The following SYNJ2 variants were observed in gnomAD, a reference collection of about 807,000 sequenced individuals.
SYNJ2 encodes synaptojanin 2.
SYNJ2 carries 116 observed loss-of-function variants against 141.3 expected under a neutral mutation model. The ratio of observed to expected loss-of-function variants is 0.82; its 90% confidence interval spans 0.71 to 0.96. The LOEUF is 0.96. SYNJ2 is among the 40% of genes least tolerant of loss of function. The probability of loss-of-function intolerance (pLI) is 0.00; values close to 1 mark genes in which losing one functional copy is unlikely to be tolerated. For synonymous variants in SYNJ2, 745 were observed against 777.7 expected (o/e 0.96, Z 0.70); for missense variants, 1,873 against 1,934.8 (o/e 0.97, Z 0.60).
intron 3 of SYNJ2, among the ~76,000 whole-genome samples, chr6:158,032,589 C>A (rs1052627444): frequency 6.6e-6 from 1 of 152,146 alleles, no homozygotes; most frequent in Non-Finnish European, 1.5e-5. Context: ...AAAGGCTCGG[C>A]GTGAAGAGCG....
At position 158,083,475 on chromosome 6, in the gene SYNJ2, T is replaced by C. The variant is rs1161381020; in HGVS notation, c.2912T>C (p.Leu971Pro). 1.2e-6 allele frequency: 2 copies of C among 1,614,190 alleles called. No homozygotes were observed. The highest frequency in any genetic ancestry group is 3.3e-5 in the Admixed American group (2 of 60,028). The change falls in exon 21 of 27, where the codon CTG becomes CCG. Residue 971 changes from leucine to proline, a missense_variant. Leu to Pro is a moderately conservative substitution (Grantham distance 98). Transcript: ENST00000355585. The part of the protein sequence containing the change: ...VKIRPKTKDW[L>P]KGLREEIIRK... ...ATTAGACCGAAGACCAAGGACTGGC[T>C]GAAAGGTTTGCGAGAGGAGATCATT...
chr6:158,078,067 T>C, intron 17 of SYNJ2, 97 bp from the exon 18 acceptor site: 1 of 782,180 alleles, frequency 1.3e-6, no homozygotes, highest in Non-Finnish European at 2.2e-6. Context: ...GTGGGGTGGT[T>C]CGTGGCGCAG....
At chr6:158,068,223 A>G (rs188259528) in intron 12 of SYNJ2, among the ~76,000 whole-genome samples, 26 of 151,376 alleles carry the variant, frequency 1.7e-4, no homozygotes, top group African/African-American at 5.8e-4. Context: ...AAGGAAGTGG[A>G]CAGCCTGCCT....
At chr6:158,017,427 T>TTTTG in intron 2 of SYNJ2, 137 bp downstream of exon 2, 1 of 1,054,316 alleles carries the variant, frequency 9.5e-7, no homozygotes, top group Non-Finnish European at 1.3e-6. Context: ...TTTTTTTTTT[T>TTTTG]CTCCGAGATA....
At chr6:158,049,097 C>G (rs879754194) in intron 5 of SYNJ2, among the ~76,000 whole-genome samples, 1 of 152,122 alleles carries the variant, frequency 6.6e-6, no homozygotes, top group Non-Finnish European at 1.5e-5. Context: ...GATCGAGACT[C>G]TGCTGTGACT....
At chr6:157,984,646 C>T (rs1777132051) in intron 1 of SYNJ2, among the ~76,000 whole-genome samples, 1 of 152,178 alleles carries the variant, frequency 6.6e-6, no homozygotes, top group African/African-American at 2.4e-5. Flanking sequence ...TTAGGTGATC[C>T]ACCTGCTTTG....
At position 158,074,656 on chromosome 6, in the gene SYNJ2, A is replaced by T. The variant is rs1466369888; in HGVS notation, c.2210A>T (p.Glu737Val). ...FNYRIDLTYE[E>V]VFYFVKRQDW... Reference sequence around the variant, plus strand: ...TACCGCATTGATCTTACTTATGAAGAAGTCTTCTATTTTGTTAAACGCCAA... The same window carrying T: ...TACCGCATTGATCTTACTTATGAAGTAGTCTTCTATTTTGTTAAACGCCAA... The change falls in exon 16 of 27, where the codon GAA becomes GTA. Residue 737 changes from glutamate to valine, a missense_variant. Physicochemically the swap from Glu to Val is moderately radical, Grantham distance 121. Transcript: ENST00000355585. 1 of 1,614,110 alleles carries T rather than the reference A, an allele frequency of 6.2e-7. No individual in the cohort carries two copies. The highest frequency in any genetic ancestry group is 1.7e-5 in the Admixed American group (1 of 60,022).
At chr6:157,997,311 A>G (rs2128318173) in intron 1 of SYNJ2, among the ~76,000 whole-genome samples, 1 of 152,332 alleles carries the variant, frequency 6.6e-6, no homozygotes. Context: ...TTGCAGATGC[A>G]ATGAAGATGT....
intron 1 of SYNJ2, among the ~76,000 whole-genome samples, chr6:158,013,054 A>T (rs1778324247): frequency 6.6e-6 from 1 of 152,116 alleles, no homozygotes; most frequent in South Asian, 2.1e-4. Flanking sequence ...TGAAAATGGG[A>T]TTTTAGCCCC....
chr6:158,093,052 C>G lies in SYNJ2; in HGVS notation c.3692C>G (p.Pro1231Arg), dbSNP rs555547760. Residue 1231 changes from proline to arginine, a missense_variant, in exon 26 of 27, where the codon CCC becomes CGC. Pro to Arg is a moderately radical substitution (Grantham distance 103). Coordinates refer to ENST00000355585, the MANE Select transcript of SYNJ2 (RefSeq NM_003898.4). ...GCGCCCCCACTCCTTCCCCGTCGGC[C>G]CCCACCCAGAGTTCCTGCCATCAAG... The part of the protein sequence containing the change: ...PQAPPLLPRR[P>R]PPRVPAIKKP... 6.2e-6 allele frequency: 10 copies of G among 1,608,882 alleles called. No individual in the cohort carries two copies. Among genetic ancestry groups the G allele is most frequent in the African/African-American group, 1.3e-5 (1 of 74,356 alleles).
At chr6:158,059,425 G>A in intron 7 of SYNJ2, 72 bp downstream of exon 7, 3 of 1,537,814 alleles carry the variant, frequency 2.0e-6, no homozygotes, top group Non-Finnish European at 2.6e-6. Context: ...GAGCCTGGAG[G>A]TGGCTCCTGC....
chr6:158,086,343 G>A (rs534397232), intron 22 of SYNJ2, among the ~76,000 whole-genome samples: 1 of 152,176 alleles, frequency 6.6e-6, no homozygotes, highest in Admixed American at 6.5e-5. Context: ...GCAGACCCTT[G>A]GGAGTGGCCA....
chr6:157,993,197 T>C (rs374841451), intron 1 of SYNJ2, among the ~76,000 whole-genome samples: 1 of 152,148 alleles, frequency 6.6e-6, no homozygotes, highest in East Asian at 1.9e-4. Context: ...GCATTTGTTA[T>C]TGCCTGACTT....
intron 12 of SYNJ2, chr6:158,067,627 T>TG: frequency 1.0e-6 from 1 of 985,454 alleles, no homozygotes; most frequent in Non-Finnish European, 1.2e-6. Context: ...TGCCTGTTGG[T>TG]GAGTGACCTG....
intron 20 of SYNJ2, among the ~76,000 whole-genome samples, chr6:158,083,209 A>G (rs1782811013): frequency 6.6e-6 from 1 of 152,102 alleles, no homozygotes; most frequent in South Asian, 2.1e-4. Flanking sequence ...CTGGGATTAC[A>G]GGTGTGAGCC....
chr6:158,043,480 T>C lies in SYNJ2; in HGVS notation c.795+81T>C, dbSNP rs1193647333. 3 of 1,016,980 alleles carry C rather than the reference T, an allele frequency of 2.9e-6. No individual in the cohort carries two copies. The East Asian group carries it at 7.3e-5, about 25-fold the overall frequency. 63.0% of individuals were successfully genotyped at this position (1,016,980 alleles called of 1,614,324 possible). A position where few individuals can be genotyped will look rare whatever the true frequency, so the allele number is the denominator to read the frequency against. On this transcript the variant is annotated intron_variant, in intron 5 of 26. Transcript: ENST00000355585. The surrounding 1 kb of genome is among the most constrained non-coding windows in gnomAD (Gnocchi z 4.0). The stretch of plus-strand genomic sequence containing the variant: ...CCTTCAATAGCTGGGGAAGATTTCT[T>C]TTAACACGTTCGTTTCATGGCATAG...
intron 6 of SYNJ2, 51 bp downstream of exon 6, chr6:158,055,079 C>A: frequency 6.3e-7 from 1 of 1,594,162 alleles, no homozygotes; most frequent in Non-Finnish European, 8.6e-7. Flanking sequence ...CCTTAGACAT[C>A]GTCCTCCCAT....
chr6:158,041,007 C>T (rs538131185), intron 4 of SYNJ2, among the ~76,000 whole-genome samples: 21 of 152,326 alleles, frequency 1.4e-4, no homozygotes, highest in African/African-American at 5.1e-4. Flanking sequence ...ATAGTCATAG[C>T]GTCAGGGCCT....
At chr6:158,067,679 C>G (rs1372591171) in intron 12 of SYNJ2, 1 of 985,214 alleles carries the variant, frequency 1.0e-6, no homozygotes, top group African/African-American at 1.7e-5. Context: ...ACATTCATGC[C>G]CCACAGCTGC....
Sources: gnomAD v4.1 joint callset for allele counts (sites outside exome capture counted in the v4.1 genomes callset) on GRCh38, gnomAD v4.1.1 for gene constraint, Gnocchi (gnomAD v3.1) non-coding constraint, MANE v1.5 for transcripts, NCBI Gene and HGNC (gene_info 2026-07-23, HGNC 2026-07-21) for gene names.